Variants in ABHD2 observed in about 807,000 individuals in gnomAD.
ABHD2 encodes the protein abhydrolase domain containing 2, acylglycerol lipase.
In ABHD2, 20 loss-of-function variants were observed where a neutral mutation model predicts 48.1. The observed-to-expected ratio is 0.42, with a 90% CI of 0.29 to 0.60. The LOEUF (loss-of-function observed/expected upper bound fraction) is 0.60. Among genes scored for constraint, ABHD2 ranks in the 20% least tolerant of loss-of-function variants. The pLI is 0.24. For synonymous variants in ABHD2, 209 were observed against 214.2 expected (o/e 0.98, Z 0.21); for missense variants, 405 against 550.9 (o/e 0.74, Z 2.65).
intron 5 of ABHD2, among the ~76,000 whole-genome samples, chr15:89,171,636 A>G (rs935596144): frequency 2.0e-5 from 3 of 152,170 alleles, no homozygotes; most frequent in African/African-American, 4.8e-5. Context: ...AACTGCTACC[A>G]GGCTAAGCTT....
chr15:89,144,689 G>C (rs185212117), intron 3 of ABHD2, among the ~76,000 whole-genome samples: 1 of 152,138 alleles, frequency 6.6e-6, no homozygotes, highest in East Asian at 1.9e-4. Context: ...AATGGGAGAC[G>C]GAGAAAATGG....
chr15:89,110,460 A>G (rs540278131), intron 1 of ABHD2, among the ~76,000 whole-genome samples: 32 of 152,136 alleles, frequency 2.1e-4, no homozygotes, highest in African/African-American at 7.5e-4. Flanking sequence ...TTCTAGATCT[A>G]GCTGCTCCAT....
intron 10 of ABHD2, 58 bp downstream of exon 10, chr15:89,193,377 T>C: frequency 4.3e-6 from 6 of 1,391,358 alleles, no homozygotes; most frequent in Non-Finnish European, 6.1e-6. Flanking sequence ...CAGTAAATTC[T>C]GTCACCTTCA....
At chr15:89,056,241 G>A in the ABHD2 span, among the ~76,000 whole-genome samples, 1 of 152,028 alleles carries the variant, frequency 6.6e-6, no homozygotes, top group Admixed American at 6.6e-5. Context: ...TCTTCCTAGG[G>A]AAAATAATAG....
chr15:89,195,257 C>T lies in ABHD2; in HGVS notation c.1112C>T (p.Pro371Leu), dbSNP rs199793936. The change falls in exon 11 of 11, where the codon CCT becomes CTT. Residue 371 changes from proline to leucine, a missense_variant. By Grantham distance (98) the Pro-to-Leu change is moderately conservative. Coordinates refer to ENST00000352732, the MANE Select transcript of ABHD2 (RefSeq NM_152924.5). The surrounding 1 kb of genome is among the most constrained non-coding windows in gnomAD (Gnocchi z 5.1). ...CGAGAGAACGTCATGTTTGTGCTGC[C>T]TCTGCATGGGGGCCACTTGGGCTTC... ...EKRENVMFVL[P>L]LHGGHLGFFE... 6.2e-7 allele frequency: 1 copy of T among 1,614,132 alleles called. No homozygotes were observed. The highest frequency in any genetic ancestry group is 1.1e-5 in the South Asian group (1 of 91,078).
chr15:89,053,313 G>A, the ABHD2 span, among the ~76,000 whole-genome samples: 1 of 152,156 alleles, frequency 6.6e-6, no homozygotes, highest in African/African-American at 2.4e-5. Context: ...CCCAGAGACA[G>A]TAGTAACTTG....
intron 5 of ABHD2, among the ~76,000 whole-genome samples, chr15:89,162,147 C>G (rs79496691): frequency 0.059 from 8,902 of 152,164 alleles, 923 homozygotes; most frequent in African/African-American, 0.2. Flanking sequence ...CCGGGGGTTA[C>G]GAGTTCAGCA....
chr15:89,136,284 G>A (rs12443471), intron 3 of ABHD2: 249,907 of 417,454 alleles, frequency 0.6, 75,568 homozygotes, highest in Non-Finnish European at 0.64. Context: ...TTTCTCTTTC[G>A]TATGGGCCCT....
the ABHD2 span, among the ~76,000 whole-genome samples, chr15:89,068,557 C>T: frequency 3.3e-5 from 5 of 152,140 alleles, no homozygotes; most frequent in African/African-American, 7.2e-5. Context: ...TCTCTCCACA[C>T]GGGCTAGCTG....
In ABHD2 at chr15:89,179,875, A is replaced by C. The variant is rs537021430; in HGVS notation, c.722+3880A>C. 5.1e-4 allele frequency among the ~76,000 whole-genome samples: 77 copies of C among 152,286 alleles called. No homozygotes were observed. The highest frequency in any genetic ancestry group is 1.8e-3 in the African/African-American group (75 of 41,554). On this transcript the variant is annotated intron_variant, in intron 6 of 10. Coordinates refer to ENST00000352732, the MANE Select transcript of ABHD2 (RefSeq NM_152924.5). This position sits in a 1 kb window ranked among gnomAD's most constrained non-coding sequence, Gnocchi z 4.3. ...TGGTTCAGGTAAACCTGAACATCCT[A>C]GCATTCTTTGAGCAAGGCCTTCCTG...
chr15:89,043,601 G>A, the ABHD2 span, among the ~76,000 whole-genome samples: 13 of 143,734 alleles, frequency 9.0e-5, no homozygotes, highest in Non-Finnish European at 1.7e-4. Context: ...AGGAGGAGGA[G>A]AGGAGGAGGA....
intron 4 of ABHD2, among the ~76,000 whole-genome samples, chr15:89,154,477 G>A (rs557904740): frequency 8.1e-4 from 123 of 152,292 alleles, no homozygotes; most frequent in African/African-American, 2.9e-3. Flanking sequence ...GGTACTAACA[G>A]TATACAGTGA....
intron 3 of ABHD2, among the ~76,000 whole-genome samples, chr15:89,148,749 C>T (rs966259382): frequency 1.3e-5 from 2 of 152,296 alleles, no homozygotes; most frequent in South Asian, 2.1e-4. Flanking sequence ...GAATCTAGCT[C>T]CCGGCAGAAG....
intron 4 of ABHD2, among the ~76,000 whole-genome samples, chr15:89,152,067 T>C (rs80079435): frequency 0.061 from 8,899 of 146,718 alleles, 910 homozygotes; most frequent in African/African-American, 0.21. Flanking sequence ...TCAGAACTCA[T>C]TGTAGAATAG....
intron 9 of ABHD2, among the ~76,000 whole-genome samples, chr15:89,192,917 A>AC (rs1567114161): frequency 2.6e-5 from 4 of 152,230 alleles, no homozygotes; most frequent in Admixed American, 2.6e-4. Context: ...CTCCCATGAT[A>AC]TAAACTGAAT....
At chr15:89,051,310 C>T in the ABHD2 span, among the ~76,000 whole-genome samples, 7 of 152,158 alleles carry the variant, frequency 4.6e-5, no homozygotes, top group Non-Finnish European at 2.9e-5. Context: ...ATCCTATATA[C>T]CTCATACTCT....
upstream of ABHD2, among the ~76,000 whole-genome samples, chr15:89,083,174 G>GT (rs1257817301): frequency 6.6e-6 from 1 of 152,006 alleles, no homozygotes; most frequent in Non-Finnish European, 1.5e-5. This position sits in a 1 kb window ranked among gnomAD's most constrained non-coding sequence, Gnocchi z 5.1. Context: ...TTTTTTGTGG[G>GT]TTTTTTGTAG....
chr15:89,071,141 C>T, the ABHD2 span, among the ~76,000 whole-genome samples: 6 of 151,786 alleles, frequency 4.0e-5, no homozygotes, highest in African/African-American at 9.7e-5. Context: ...GGGTTTTGGC[C>T]GGGCACGGTG....
chr15:89,122,685 T>A (rs1183022166), intron 3 of ABHD2, among the ~76,000 whole-genome samples: 3 of 152,334 alleles, frequency 2.0e-5, no homozygotes, highest in Non-Finnish European at 2.9e-5. Flanking sequence ...GGCTGAAGTT[T>A]TCATCACCAG....
Sources: gnomAD v4.1 joint callset for allele counts (sites outside exome capture counted in the v4.1 genomes callset) on GRCh38, gnomAD v4.1.1 for gene constraint, Gnocchi (gnomAD v3.1) non-coding constraint, MANE v1.5 for transcripts, NCBI Gene and HGNC (gene_info 2026-07-23, HGNC 2026-07-21) for gene names.